Variants in LIME1 observed in about 807,000 individuals in gnomAD.
The protein encoded by LIME1 is Lck interacting transmembrane adaptor 1.
LIME1 carries 23 observed loss-of-function variants against 18.8 expected under a neutral mutation model. The observed-to-expected ratio is 1.22, with a 90% CI of 0.88 to 1.73. The LOEUF (loss-of-function observed/expected upper bound fraction) is 1.73, where lower values mean the gene tolerates loss of function less well. Ranked by LOEUF, LIME1 falls within the 40% of genes most tolerant of loss-of-function variation. The probability of loss-of-function intolerance (pLI) is 0.00; values close to 1 mark genes in which losing one functional copy is unlikely to be tolerated. For missense variants in LIME1, 423 were observed against 396.8 expected, an observed-to-expected ratio of 1.07 and a Z score of -0.56; for synonymous variants, 177 against 182.3, an observed-to-expected ratio of 0.97 and a Z score of 0.23.
At position 63,739,080 on chromosome 20, in the gene LIME1, A is replaced by C; in HGVS notation, c.*180A>C. The C allele has an allele frequency of 3.6e-6, 2 of 552,878 alleles. No homozygotes were observed. Among genetic ancestry groups the C allele is most frequent in the East Asian group, 6.3e-5 (2 of 31,740 alleles). 34.2% of individuals were successfully genotyped at this position (552,878 alleles called of 1,614,324 possible). A position where few individuals can be genotyped will look rare whatever the true frequency, so the allele number is the denominator to read the frequency against. Reference sequence around the variant, plus strand: ...TCCAGAGAAGGCCCGCGTCTAAATAAAGCGCCAGCGCAGGATGAAAGCGGC... The same window carrying C: ...TCCAGAGAAGGCCCGCGTCTAAATACAGCGCCAGCGCAGGATGAAAGCGGC... On this transcript the variant is annotated 3_prime_UTR_variant, in exon 6 of 6. Transcript: ENST00000309546.
Sources: gnomAD v4.1 joint callset for allele counts on GRCh38, gnomAD v4.1.1 for gene constraint, MANE v1.5 for transcripts, NCBI Gene and HGNC (gene_info 2026-07-23, HGNC 2026-07-21) for gene names.